GSAP: variants seen among roughly 807,000 people sequenced by gnomAD.
GSAP encodes the protein gamma-secretase activating protein, also known as gamma-secretase-activating protein.
GSAP carries 118 observed loss-of-function variants against 131.7 expected under a neutral mutation model. The ratio of observed to expected loss-of-function variants is 0.90; its 90% CI spans 0.77 to 1.04. The LOEUF is 1.04. GSAP is among the 50% of genes least tolerant of loss of function. The pLI is 0.00. For synonymous variants in GSAP, 381 were observed against 363.4 expected (o/e 1.05, Z -0.55); for missense variants, 1,019 against 1,013.2 (o/e 1.01, Z -0.08).
At chr7:77,345,688 GC>G (rs1372911519) in intron 19 of GSAP, among the ~76,000 whole-genome samples, 1 of 151,948 alleles carries the variant, frequency 6.6e-6, no homozygotes, top group African/African-American at 2.4e-5. Flanking sequence ...TGTGACACAC[GC>G]CCCTGCTCAT....
chr7:77,322,078 T>C (rs974303271), intron 24 of GSAP, among the ~76,000 whole-genome samples: 1 of 152,192 alleles, frequency 6.6e-6, no homozygotes, highest in Admixed American at 6.5e-5. Flanking sequence ...GGAGTTGTTA[T>C]CAGCCACGAA....
intron 23 of GSAP, 42 bp from the exon 24 acceptor site, chr7:77,323,784 C>T: frequency 1.2e-6 from 1 of 849,854 alleles, no homozygotes; most frequent in Non-Finnish European, 1.9e-6. Context: ...AGCCTACCCA[C>T]TCATACCTGC....
At chr7:77,318,788 T>C (rs1032658806) in intron 26 of GSAP, among the ~76,000 whole-genome samples, 2 of 152,022 alleles carry the variant, frequency 1.3e-5, no homozygotes, top group African/African-American at 2.4e-5. Flanking sequence ...CTTCTTGACA[T>C]TGGTCTTGGC....
At position 77,323,613 on chromosome 7, in the gene GSAP, G is replaced by A. The variant is rs769346210; in HGVS notation, c.1923+34C>T. ...AGAACTATATGGGGAGTGGGGTGAA[G>A]GGGCATATGAGGAGAATAAAAAGCA... On this transcript the variant is annotated intron_variant, in intron 24 of 30. Transcript: ENST00000257626. 23 of 1,016,740 alleles carry A rather than the reference G, an allele frequency of 2.3e-5. No homozygotes were observed. The Middle Eastern group carries it at 8.3e-4, about 37-fold the overall frequency. The allele number at this position is 1,016,740 out of a possible 1,614,324, so 63.0% of individuals were successfully genotyped here. A position where few individuals can be genotyped will look rare whatever the true frequency, so the allele number is the denominator to read the frequency against.
At position 77,311,453 on chromosome 7, in the gene GSAP, G is replaced by GA. The variant is rs757049881; in HGVS notation, c.2474-5dup. The GA allele has an allele frequency of 3.0e-5, 47 of 1,567,240 alleles. No homozygotes were observed. Among genetic ancestry groups the GA allele is most frequent in the African/African-American group, 6.8e-5 (5 of 73,874 alleles). ...TGTCCTTCAAAAGGATACAGGGCTG[G>GA]AAAAAAATGGGGAGAGGGCAGGGAA... On this transcript the variant is annotated splice_region_variant and splice_polypyrimidine_tract_variant and intron_variant, in intron 30 of 30. Coordinates refer to ENST00000257626, the MANE Select transcript of GSAP (RefSeq NM_017439.4).
At chr7:77,319,286 A>C (rs1260582175) in intron 26 of GSAP, among the ~76,000 whole-genome samples, 1 of 152,230 alleles carries the variant, frequency 6.6e-6, no homozygotes. Context: ...GCCAACACTT[A>C]TGTGAAAATA....
chr7:77,373,530 T>C (rs970765432), intron 12 of GSAP, among the ~76,000 whole-genome samples: 1 of 152,234 alleles, frequency 6.6e-6, no homozygotes, highest in East Asian at 1.9e-4. Flanking sequence ...ATTTATTGAA[T>C]GTAATCATAT....
At chr7:77,322,905 A>T (rs1326731518) in intron 24 of GSAP, among the ~76,000 whole-genome samples, 3 of 152,222 alleles carry the variant, frequency 2.0e-5, no homozygotes. Context: ...CAAATCTTCC[A>T]GAGTTCAATG....
chr7:77,379,249 C>T (rs1297736623), intron 8 of GSAP, among the ~76,000 whole-genome samples: 1 of 151,852 alleles, frequency 6.6e-6, no homozygotes, highest in East Asian at 1.9e-4. Context: ...CTCTCTAGAT[C>T]GAGTCACCTC....
At chr7:77,356,535 A>G (rs1436337122) in intron 14 of GSAP, among the ~76,000 whole-genome samples, 2 of 152,224 alleles carry the variant, frequency 1.3e-5, no homozygotes, top group African/African-American at 2.4e-5. Context: ...TAATCTCTGC[A>G]GACACATTGA....
intron 10 of GSAP, among the ~76,000 whole-genome samples, chr7:77,375,859 CA>C (rs1008400513): frequency 2.2e-4 from 30 of 136,434 alleles, no homozygotes; most frequent in African/African-American, 8.6e-4. Flanking sequence ...AAAAAAAAAA[CA>C]AACAAAAAAA....
intron 23 of GSAP, among the ~76,000 whole-genome samples, chr7:77,325,023 C>A (rs1788139125): frequency 6.6e-6 from 1 of 152,016 alleles, no homozygotes; most frequent in Non-Finnish European, 1.5e-5. Context: ...ACCATGTTGA[C>A]TAGGCTGGTC....
At chr7:77,364,919 G>A (rs911354498) in intron 12 of GSAP, among the ~76,000 whole-genome samples, 1 of 152,142 alleles carries the variant, frequency 6.6e-6, no homozygotes, top group Non-Finnish European at 1.5e-5. Flanking sequence ...GTGGCAACTA[G>A]CCACATGTAG....
At chr7:77,330,177 A>G (rs768925537) in intron 20 of GSAP, 62 bp downstream of exon 20, 23 of 1,524,522 alleles carry the variant, frequency 1.5e-5, no homozygotes, top group Middle Eastern at 3.6e-4. Flanking sequence ...ATTTAAAGGC[A>G]TCACCTGGAT....
At chr7:77,352,341 C>T (rs4729346) in intron 18 of GSAP, among the ~76,000 whole-genome samples, 63,810 of 152,074 alleles carry the variant, frequency 0.42, 13,949 homozygotes, top group African/African-American at 0.51. Flanking sequence ...AGCCTATGTA[C>T]GGTTTTCACT....
intron 25 of GSAP, 38 bp downstream of exon 25, chr7:77,321,295 T>C: frequency 1.5e-6 from 2 of 1,318,416 alleles, no homozygotes; most frequent in South Asian, 2.3e-5. Context: ...GTTTCCACTC[T>C]TTGTACACCA....
chr7:77,335,245 C>G (rs1789808733), intron 19 of GSAP, among the ~76,000 whole-genome samples: 1 of 151,722 alleles, frequency 6.6e-6, no homozygotes, highest in African/African-American at 2.4e-5. Context: ...ATTAAAAATG[C>G]AAAAAATTAG....
intron 12 of GSAP, among the ~76,000 whole-genome samples, chr7:77,371,573 T>G (rs904668578): frequency 3.9e-5 from 6 of 152,062 alleles, no homozygotes; most frequent in African/African-American, 1.4e-4. Context: ...TAGCTGGGAC[T>G]ACAGGCACGT....
chr7:77,321,294 CTT>C lies in GSAP; in HGVS notation c.1994+37_1994+38del, dbSNP rs1338610983. The C allele has an allele frequency of 3.1e-6, 4 of 1,310,338 alleles. No individual in the cohort carries two copies. The African/African-American group carries it at 5.8e-5, about 19-fold the overall frequency. The allele number at this position is 1,310,338 out of a possible 1,614,324, so 81.2% of individuals were successfully genotyped here. A position where few individuals can be genotyped will look rare whatever the true frequency, so the allele number is the denominator to read the frequency against. On this transcript the variant is annotated intron_variant, in intron 25 of 30. Transcript: ENST00000257626. Reference sequence around the variant, plus strand: ...TTGCTACAACAGAGTTGTTTCCACTCTTTGTACACCATGATAAAAGTGAGAAA... The same window carrying C: ...TTGCTACAACAGAGTTGTTTCCACTCTGTACACCATGATAAAAGTGAGAAA...
Sources: allele counts gnomAD v4.1 joint callset (sites outside exome capture counted in the v4.1 genomes callset), GRCh38; gene constraint gnomAD v4.1.1; transcripts MANE v1.5; gene names NCBI Gene and HGNC (gene_info 2026-07-23, HGNC 2026-07-21).